The following EDARADD variants were observed in gnomAD, a reference collection of about 807,000 sequenced individuals.
The protein encoded by EDARADD is ectodysplasin-A receptor-associated adapter protein.
A neutral mutation model predicts 25.6 loss-of-function variants in EDARADD; 20 were observed. The observed-to-expected ratio is 0.78, with a 90% CI of 0.55 to 1.14. The LOEUF is 1.14. EDARADD is among the 50% of genes most tolerant of loss of function. EDARADD has a pLI of 0.00. For missense variants in EDARADD, 225 were observed against 270.1 expected (o/e 0.83, Z 1.17); for synonymous variants, 86 against 94.4 (o/e 0.91, Z 0.52).
chr1:236,483,683 C>G lies in EDARADD; in HGVS notation c.*1034C>G. 6.4e-7 allele frequency: 1 copy of G among 1,570,672 alleles called. No individual in the cohort carries two copies. The highest frequency in any genetic ancestry group is 8.8e-7 in the Non-Finnish European group (1 of 1,142,350). On this transcript the variant is annotated 3_prime_UTR_variant, in exon 6 of 6. Transcript: ENST00000334232. ...TGCAGGAGTTCATGGTCCTCCCAGT[C>G]GGTGCAGCAAACTTCAGGGAAGCCA...
At chr1:236,479,021 G>T (rs1319977095) in intron 5 of EDARADD, among the ~76,000 whole-genome samples, 1 of 152,190 alleles carries the variant, frequency 6.6e-6, no homozygotes, top group Admixed American at 6.5e-5. Flanking sequence ...TCAGGGAAAA[G>T]GTGGGAAGGG....
intron 3 of EDARADD, among the ~76,000 whole-genome samples, chr1:236,425,111 G>C (rs1297764089): frequency 6.6e-6 from 1 of 152,214 alleles, no homozygotes; most frequent in African/African-American, 2.4e-5. Flanking sequence ...CATCCAGCCA[G>C]GTGGTTTTGT....
rs553079587 is a variant in EDARADD, at chr1:236,451,956, A to G, written c.220-16275A>G. ...CTTGCACCTCTTACCTGAGCAGGTAAGAGGCCTGCGTGCTTTCCAGAAGGC... is the reference window on the plus strand; with the variant it reads ...CTTGCACCTCTTACCTGAGCAGGTAGGAGGCCTGCGTGCTTTCCAGAAGGC... On this transcript the variant is annotated intron_variant, in intron 4 of 5. Coordinates refer to ENST00000334232, the MANE Select transcript of EDARADD (RefSeq NM_145861.4). 1.6e-3 allele frequency among the ~76,000 whole-genome samples: 248 copies of G among 152,264 alleles called. 1 individual carries two copies. The highest frequency in any genetic ancestry group is 3.3e-3 in the East Asian group (17 of 5,184).
rs61333307 is a variant in EDARADD, at chr1:236,445,234, C to CT, written c.219+17795dup. On this transcript the variant is annotated intron_variant, in intron 4 of 5. Transcript: ENST00000334232. ...TGCATTAGCTGGGACATAATAAATT[C>CT]TTTTTTTTTTTGAGACAGAGTCTTG... 8.5e-4 allele frequency among the ~76,000 whole-genome samples: 76 copies of CT among 89,702 alleles called. 13 individuals carry two copies. The highest frequency in any genetic ancestry group is 4.3e-3 in the South Asian group (9 of 2,074). The allele number at this position is 89,702 out of a possible 152,430, so 58.8% of individuals were successfully genotyped here. A position where few individuals can be genotyped will look rare whatever the true frequency, so the allele number is the denominator to read the frequency against.
At chr1:236,430,661 G>A (rs1032334395) in intron 4 of EDARADD, among the ~76,000 whole-genome samples, 1 of 152,150 alleles carries the variant, frequency 6.6e-6, no homozygotes, top group Non-Finnish European at 1.5e-5. Context: ...GGCTGCTTCC[G>A]TTGACTATTT....
At chr1:236,374,989 GT>G (rs1403841184) in intron 3 of EDARADD, among the ~76,000 whole-genome samples, 2 of 151,644 alleles carry the variant, frequency 1.3e-5, no homozygotes, top group East Asian at 3.9e-4. Flanking sequence ...GTCTTCTACA[GT>G]TTTTCTGCTT....
At chr1:236,381,391 G>A (rs527969987) in intron 3 of EDARADD, among the ~76,000 whole-genome samples, 2 of 151,084 alleles carry the variant, frequency 1.3e-5, no homozygotes, top group Admixed American at 1.3e-4. Context: ...TGTGCACAAC[G>A]TGCAGGTTTG....
At chr1:236,463,570 C>T (rs546682452) in intron 4 of EDARADD, among the ~76,000 whole-genome samples, 122 of 152,356 alleles carry the variant, frequency 8.0e-4, no homozygotes, top group Non-Finnish European at 1.5e-3. Flanking sequence ...GGATTACAGG[C>T]GTGCGCCACT....
intron 4 of EDARADD, among the ~76,000 whole-genome samples, chr1:236,447,682 A>G (rs1400698623): frequency 3.3e-5 from 5 of 152,172 alleles, no homozygotes; most frequent in African/African-American, 1.2e-4. Flanking sequence ...CTAAGGATAG[A>G]TTTGAAAAAA....
At chr1:236,369,173 G>A (rs935419527) in intron 3 of EDARADD, among the ~76,000 whole-genome samples, 6 of 152,098 alleles carry the variant, frequency 3.9e-5, no homozygotes, top group African/African-American at 7.2e-5. Flanking sequence ...ATATTGAATT[G>A]GCTCTACTAG....
chr1:236,381,776 C>CTTT (rs1300263414), intron 3 of EDARADD, among the ~76,000 whole-genome samples: 9 of 16,664 alleles, frequency 5.4e-4, no homozygotes, highest in African/African-American at 1.6e-3. Context: ...TGTAATATGT[C>CTTT]TTTTTTTTTT....
intron 4 of EDARADD, among the ~76,000 whole-genome samples, chr1:236,433,773 G>A (rs1174410950): frequency 1.3e-5 from 2 of 151,972 alleles, no homozygotes; most frequent in Non-Finnish European, 2.9e-5. Context: ...TGGAGGCTGA[G>A]GCAGGATAAT....
intron 5 of EDARADD, among the ~76,000 whole-genome samples, chr1:236,471,878 G>C (rs939727045): frequency 6.6e-6 from 1 of 152,118 alleles, no homozygotes; most frequent in African/African-American, 2.4e-5. Flanking sequence ...GACTGGAGCC[G>C]TTTCTACGCC....
intron 4 of EDARADD, among the ~76,000 whole-genome samples, chr1:236,462,361 T>C (rs867775847): frequency 2.0e-5 from 3 of 152,002 alleles, no homozygotes; most frequent in African/African-American, 4.8e-5. Flanking sequence ...AGGTTTTGGG[T>C]TGGTGATGTG....
chr1:236,408,070 G>A (rs918045173), intron 1 of EDARADD, among the ~76,000 whole-genome samples: 5 of 152,190 alleles, frequency 3.3e-5, no homozygotes, highest in Non-Finnish European at 7.3e-5. Flanking sequence ...AATTCAGTAG[G>A]CAAGAGAGTC....
At chr1:236,425,969 T>G (rs590812) in intron 3 of EDARADD, among the ~76,000 whole-genome samples, 67,453 of 151,426 alleles carry the variant, frequency 0.45, 17,377 homozygotes, top group Non-Finnish European at 0.59. Flanking sequence ...ATTTTTCTTA[T>G]CTTTTTTTTT....
At position 236,484,366 on chromosome 1, in the gene EDARADD, C is replaced by A; in HGVS notation, c.*1717C>A. ...CTCAAGACTGGTGCCCCTTGCTGAT[C>A]TGAGCGCTTGGCCAAGTACAACCAG... On this transcript the variant is annotated 3_prime_UTR_variant, in exon 6 of 6. Transcript: ENST00000334232. This position sits in a 1 kb window ranked among gnomAD's most constrained non-coding sequence, Gnocchi z 4.1. 6.4e-7 allele frequency: 1 copy of A among 1,562,286 alleles called. No individual in the cohort carries two copies. The highest frequency in any genetic ancestry group is 8.8e-7 in the Non-Finnish European group (1 of 1,133,646).
intron 3 of EDARADD, among the ~76,000 whole-genome samples, chr1:236,376,198 G>A (rs1373048829): frequency 6.6e-6 from 1 of 152,108 alleles, no homozygotes; most frequent in African/African-American, 2.4e-5. Flanking sequence ...TCCTCCCAAA[G>A]TGCTGGGATT....
intron 3 of EDARADD, among the ~76,000 whole-genome samples, chr1:236,370,181 G>A (rs1242149001): frequency 1.3e-5 from 2 of 152,202 alleles, no homozygotes; most frequent in South Asian, 2.1e-4. Flanking sequence ...AGAACTTTGG[G>A]AGGTGCAGGC....
Sources: gnomAD v4.1 joint callset for allele counts (sites outside exome capture counted in the v4.1 genomes callset) on GRCh38, gnomAD v4.1.1 for gene constraint, Gnocchi (gnomAD v3.1) non-coding constraint, MANE v1.5 for transcripts, NCBI Gene and HGNC (gene_info 2026-07-23, HGNC 2026-07-21) for gene names.